The following VAV3 variants were observed in gnomAD, a reference collection of about 807,000 sequenced individuals.
VAV3 encodes the protein vav guanine nucleotide exchange factor 3, also known as guanine nucleotide exchange factor VAV3.
Under a neutral mutation model 131.2 loss-of-function variants are expected in VAV3, and 94 were observed. That is an observed-to-expected ratio of 0.72 (90% CI 0.61 to 0.85). The LOEUF (loss-of-function observed/expected upper bound fraction) is 0.85. Ranked by LOEUF, VAV3 falls within the 40% of genes least tolerant of loss-of-function variation. The probability of loss-of-function intolerance (pLI) is 0.00; values close to 1 mark genes in which losing one functional copy is unlikely to be tolerated. For missense variants in VAV3, 939 were observed against 1,002.7 expected (o/e 0.94, Z 0.86); for synonymous variants, 349 against 342.0 (o/e 1.02, Z -0.22).
At chr1:107,837,009 T>C (rs549051394) in intron 2 of VAV3, among the ~76,000 whole-genome samples, 1 of 152,080 alleles carries the variant, frequency 6.6e-6, no homozygotes, top group African/African-American at 2.4e-5. Context: ...GCTGAAGCTG[T>C]TCCCAAAAAA....
chr1:107,591,534 C>T (rs906669612), intron 25 of VAV3, among the ~76,000 whole-genome samples: 6 of 152,140 alleles, frequency 3.9e-5, no homozygotes, highest in African/African-American at 1.4e-4. Flanking sequence ...GTGTTCCACA[C>T]GTCCTGAAAT....
At chr1:107,886,876 T>C (rs935782450) in intron 1 of VAV3, among the ~76,000 whole-genome samples, 2 of 151,564 alleles carry the variant, frequency 1.3e-5, no homozygotes, top group Non-Finnish European at 2.9e-5. Flanking sequence ...GCATTTGCCA[T>C]GGGAAAGAAA....
intron 1 of VAV3, among the ~76,000 whole-genome samples, chr1:107,949,469 C>T (rs1003837059): frequency 1.3e-5 from 2 of 152,030 alleles, no homozygotes; most frequent in Non-Finnish European, 2.9e-5. Context: ...TGCTACAGTG[C>T]CCAGCTAATT....
chr1:107,747,997 T>C (rs1358567343), intron 15 of VAV3, among the ~76,000 whole-genome samples: 1 of 151,978 alleles, frequency 6.6e-6, no homozygotes, highest in Non-Finnish European at 1.5e-5. Flanking sequence ...TTTATAAGCG[T>C]AAATAGTTTG....
intron 19 of VAV3, among the ~76,000 whole-genome samples, chr1:107,659,989 C>G (rs1312730358): frequency 6.6e-6 from 1 of 152,176 alleles, no homozygotes; most frequent in Non-Finnish European, 1.5e-5. Context: ...CCTCAAGACA[C>G]AGGAAAGCTT....
intron 2 of VAV3, among the ~76,000 whole-genome samples, chr1:107,806,728 T>C (rs1489851828): frequency 6.6e-6 from 1 of 152,146 alleles, no homozygotes; most frequent in African/African-American, 2.4e-5. Context: ...AATGTTATAA[T>C]GTACAGTGCA....
At chr1:107,915,531 G>A (rs915274944) in intron 1 of VAV3, among the ~76,000 whole-genome samples, 16 of 152,062 alleles carry the variant, frequency 1.1e-4, no homozygotes, top group Non-Finnish European at 2.2e-4. Flanking sequence ...TCTGTTCCTC[G>A]ATGTCCTCAT....
At chr1:107,606,731 T>TA (rs1652295335) in intron 22 of VAV3, among the ~76,000 whole-genome samples, 2 of 151,852 alleles carry the variant, frequency 1.3e-5, no homozygotes, top group South Asian at 4.1e-4. Flanking sequence ...CCAATGAACT[T>TA]AAGTTTTCTC....
chr1:107,940,630 G>A (rs1032950490), intron 1 of VAV3, among the ~76,000 whole-genome samples: 4 of 152,134 alleles, frequency 2.6e-5, no homozygotes, highest in Non-Finnish European at 5.9e-5. Context: ...TCTGTACAAC[G>A]GAATATTATT....
intron 19 of VAV3, chr1:107,668,667 T>C: frequency 1.0e-6 from 1 of 985,422 alleles, no homozygotes; most frequent in East Asian, 1.1e-4. Context: ...AGAAAGAAAC[T>C]ACAGGCGTGG....
At chr1:107,579,545 G>T (rs1350145967) in intron 25 of VAV3, among the ~76,000 whole-genome samples, 1 of 152,114 alleles carries the variant, frequency 6.6e-6, no homozygotes, top group African/African-American at 2.4e-5. Context: ...TCTGCAATAT[G>T]AAGTTAATCG....
intron 18 of VAV3, 104 bp from the exon 19 acceptor site, chr1:107,683,637 A>G: frequency 8.7e-7 from 1 of 1,155,162 alleles, no homozygotes; most frequent in Non-Finnish European, 1.3e-6. Context: ...AATGTTGCAC[A>G]TTTTCCAAGT....
At position 107,596,133 on chromosome 1, in the gene VAV3, T is replaced by A. The variant is rs964858869; in HGVS notation, c.2350+79A>T. The A allele has an allele frequency of 1.9e-6, 3 of 1,541,868 alleles. No individual in the cohort carries two copies. The South Asian group carries it at 3.8e-5, about 19-fold the overall frequency. On this transcript the variant is annotated intron_variant, in intron 25 of 26. Coordinates refer to ENST00000370056, the MANE Select transcript of VAV3 (RefSeq NM_006113.5). ...GCATCCATTGGTTATATTTTAAAATTTGGAAGGAAGATGTTTAATGTTATT... is the reference window on the plus strand; with the variant it reads ...GCATCCATTGGTTATATTTTAAAATATGGAAGGAAGATGTTTAATGTTATT...
intron 2 of VAV3, among the ~76,000 whole-genome samples, chr1:107,804,836 G>T (rs1327412251): frequency 6.6e-6 from 1 of 150,898 alleles, no homozygotes; most frequent in Non-Finnish European, 1.5e-5. Context: ...TTTCTTGTAA[G>T]ACAAGTCTGG....
At chr1:107,600,672 T>C (rs1334845001) in intron 24 of VAV3, among the ~76,000 whole-genome samples, 1 of 152,182 alleles carries the variant, frequency 6.6e-6, no homozygotes, top group Non-Finnish European at 1.5e-5. Flanking sequence ...TTCACTATAA[T>C]CACAGCTTTT....
chr1:107,713,783 T>C (rs1660927727), intron 15 of VAV3, among the ~76,000 whole-genome samples: 1 of 152,152 alleles, frequency 6.6e-6, no homozygotes, highest in African/African-American at 2.4e-5. Flanking sequence ...AAGGACTTAG[T>C]ACCAAAGTAT....
At chr1:107,735,373 G>C (rs1028278187) in intron 15 of VAV3, among the ~76,000 whole-genome samples, 1 of 152,128 alleles carries the variant, frequency 6.6e-6, no homozygotes, top group Admixed American at 6.6e-5. Flanking sequence ...AGAACTGAAG[G>C]AGATAGAGAC....
At chr1:107,829,424 GAATT>G (rs1362035033) in intron 2 of VAV3, among the ~76,000 whole-genome samples, 1 of 152,086 alleles carries the variant, frequency 6.6e-6, no homozygotes, top group Non-Finnish European at 1.5e-5. Context: ...AAGTGTATTA[GAATT>G]AATTCTGAAC....
intron 1 of VAV3, among the ~76,000 whole-genome samples, chr1:107,938,849 G>A (rs1485057324): frequency 2.6e-5 from 4 of 152,202 alleles, no homozygotes; most frequent in Admixed American, 6.5e-5. Context: ...AACCTAATGG[G>A]ATGTGTAAAT....
Sources: gnomAD v4.1 joint callset for allele counts (sites outside exome capture counted in the v4.1 genomes callset) on GRCh38, gnomAD v4.1.1 for gene constraint, MANE v1.5 for transcripts, NCBI Gene and HGNC (gene_info 2026-07-23, HGNC 2026-07-21) for gene names.